Variants in METTL15 observed in about 807,000 individuals in gnomAD.
METTL15 encodes the protein 12S rRNA N(4)-cytidine methyltransferase METTL15.
METTL15 carries 34 observed loss-of-function variants against 38.3 expected under a neutral mutation model. That is an observed-to-expected ratio of 0.89 (90% CI 0.68 to 1.18). METTL15 has a LOEUF of 1.18. METTL15 is among the 50% of genes most tolerant of loss of function. The probability of loss-of-function intolerance (pLI) is 0.00; values close to 1 mark genes in which losing one functional copy is unlikely to be tolerated. For synonymous variants in METTL15, 162 were observed against 170.9 expected (o/e 0.95, Z 0.41); for missense variants, 438 against 498.4 (o/e 0.88, Z 1.15).
At chr11:28,273,847 A>G (rs1855740906) in intron 4 of METTL15, among the ~76,000 whole-genome samples, 1 of 152,084 alleles carries the variant, frequency 6.6e-6, no homozygotes, top group Non-Finnish European at 1.5e-5. Flanking sequence ...GTATTAGGTA[A>G]TATTAACTCA....
intron 6 of METTL15, among the ~76,000 whole-genome samples, chr11:28,469,129 A>G (rs1851281508): frequency 6.6e-6 from 1 of 152,140 alleles, no homozygotes; most frequent in African/African-American, 2.4e-5. Flanking sequence ...GTGCCATGTG[A>G]CACAACTTTT....
intron 4 of METTL15, among the ~76,000 whole-genome samples, chr11:28,243,973 G>T (rs961310397): frequency 6.6e-6 from 1 of 152,174 alleles, no homozygotes; most frequent in Non-Finnish European, 1.5e-5. Context: ...GCTCTATAAT[G>T]ACTGATGCCT....
chr11:28,317,768 G>A (rs542590052), intron 6 of METTL15, among the ~76,000 whole-genome samples: 1 of 152,184 alleles, frequency 6.6e-6, no homozygotes, highest in South Asian at 2.1e-4. Context: ...CTGTTACTAA[G>A]CAAGATTTTC....
intron 4 of METTL15, among the ~76,000 whole-genome samples, chr11:28,352,925 G>A (rs552572578): frequency 3.2e-4 from 48 of 152,256 alleles, no homozygotes; most frequent in Admixed American, 2.5e-3. Context: ...TGCATGATAC[G>A]GAAAAGCAGG....
chr11:28,506,413 A>G (rs1590397787), intron 6 of METTL15, among the ~76,000 whole-genome samples: 1 of 152,220 alleles, frequency 6.6e-6, no homozygotes. Flanking sequence ...CTTGGAAAAC[A>G]AACTTTTAAA....
chr11:28,133,979 A>G (rs1565115191), intron 3 of METTL15, among the ~76,000 whole-genome samples: 1 of 152,208 alleles, frequency 6.6e-6, no homozygotes, highest in Non-Finnish European at 1.5e-5. Context: ...TCTAAAGGAA[A>G]GGTATGCATT....
chr11:28,509,483 A>AT (rs1436587968), intron 6 of METTL15, among the ~76,000 whole-genome samples: 3 of 146,350 alleles, frequency 2.0e-5, no homozygotes, highest in African/African-American at 7.7e-5. Context: ...TCAATCCTTT[A>AT]TTTAAAAAAA....
intron 5 of METTL15, among the ~76,000 whole-genome samples, chr11:28,423,071 T>C (rs1251810374): frequency 6.6e-6 from 1 of 151,956 alleles, no homozygotes; most frequent in African/African-American, 2.4e-5. Context: ...AAAGAAGACA[T>C]ACAAATGGCA....
rs904366042 is a variant in METTL15 at position 28,127,697 on chromosome 11, CT to C, written c.270+14094del. ...TTTATTTGAAAGAAGCATTTTATTG[CT>C]ATTTTATGTAGAATAAGCATTACCA... On this transcript the variant is annotated intron_variant, in intron 3 of 6. Coordinates refer to ENST00000407364, the MANE Select transcript of METTL15 (RefSeq NM_001113528.2). Among the ~76,000 whole-genome samples the C allele has an allele frequency of 7.2e-5, 11 of 151,930 alleles. 1 individual carries two copies. Among genetic ancestry groups the C allele is most frequent in the Admixed American group, 6.6e-4 (10 of 15,222 alleles).
intron 6 of METTL15, among the ~76,000 whole-genome samples, chr11:28,298,566 C>G (rs891232917): frequency 6.6e-6 from 1 of 151,822 alleles, no homozygotes; most frequent in Admixed American, 6.6e-5. Flanking sequence ...TGTAAACTTG[C>G]GGAAATAACA....
chr11:28,284,570 A>T (rs1324781761), intron 4 of METTL15, among the ~76,000 whole-genome samples: 1 of 152,192 alleles, frequency 6.6e-6, no homozygotes, highest in Non-Finnish European at 1.5e-5. Flanking sequence ...ATTTAAAAAA[A>T]TAGCAAAACT....
intron 4 of METTL15, among the ~76,000 whole-genome samples, chr11:28,237,249 C>T (rs984641059): frequency 2.0e-5 from 3 of 152,116 alleles, no homozygotes; most frequent in East Asian, 3.9e-4. Context: ...CAATCAGATG[C>T]AGATTTGGTC....
chr11:28,218,172 G>C (rs1852997302), intron 4 of METTL15, among the ~76,000 whole-genome samples: 2 of 152,062 alleles, frequency 1.3e-5, no homozygotes, highest in South Asian at 4.1e-4. Context: ...TCACTATATT[G>C]ATTCTTCCTA....
intron 5 of METTL15, among the ~76,000 whole-genome samples, chr11:28,369,300 T>G (rs1850220215): frequency 6.6e-6 from 1 of 151,996 alleles, no homozygotes; most frequent in Non-Finnish European, 1.5e-5. Flanking sequence ...GCAAAGGGAC[T>G]TGTGGGACAC....
At chr11:28,482,339 C>A (rs570511654) in intron 6 of METTL15, among the ~76,000 whole-genome samples, 1 of 152,266 alleles carries the variant, frequency 6.6e-6, no homozygotes, top group South Asian at 2.1e-4. Flanking sequence ...AATTGCAGTT[C>A]TTTTACTTCC....
At chr11:28,195,936 T>G (rs61585332) in intron 3 of METTL15, among the ~76,000 whole-genome samples, 19,523 of 151,986 alleles carry the variant, frequency 0.13, 1,558 homozygotes, top group East Asian at 0.28. Flanking sequence ...CCAATTTTCA[T>G]ACCATTTCTT....
chr11:28,261,459 CTGAATCAA>C (rs1326349352), intron 4 of METTL15: 1 of 156,606 alleles, frequency 6.4e-6, no homozygotes, highest in African/African-American at 2.4e-5. Context: ...GCCAGATCAG[CTGAATCAA>C]CTCTGGTGAT....
Position 28,378,204 on chromosome 11 carries a change from C to G in METTL15, c.*358+16168C>G, listed in dbSNP as rs945715882. On this transcript the variant is annotated intron_variant and NMD_transcript_variant, in intron 5 of 7. Transcript: ENST00000532947. ...TCCACCCAGTTCGAGCTTCCTGGCT[C>G]CTTTGTTTACCTAAGCAAGCTTGGG... 6.6e-5 allele frequency among the ~76,000 whole-genome samples: 10 copies of G among 152,312 alleles called. No individual in the cohort carries two copies. In the East Asian group the frequency reaches 1.4e-3, roughly 21 times the overall value.
At chr11:28,175,151 T>C (rs1433930826) in intron 3 of METTL15, among the ~76,000 whole-genome samples, 1 of 147,398 alleles carries the variant, frequency 6.8e-6, no homozygotes, top group Non-Finnish European at 1.5e-5. Context: ...CCTGTGTCCA[T>C]GTATTCTCAT....
Sources: allele counts gnomAD v4.1 joint callset (sites outside exome capture counted in the v4.1 genomes callset), GRCh38; gene constraint gnomAD v4.1.1; transcripts MANE v1.5; gene names NCBI Gene and HGNC (gene_info 2026-07-23, HGNC 2026-07-21).